C12orf42: variants seen among roughly 807,000 people sequenced by gnomAD.
The protein encoded by C12orf42 is chromosome 12 open reading frame 42.
In C12orf42, 25 loss-of-function variants were observed where a neutral mutation model predicts 21.6. That is an observed-to-expected ratio of 1.16 (90% CI 0.84 to 1.62). The LOEUF is 1.62. Among genes scored for constraint, C12orf42 ranks in the 40% most tolerant of loss-of-function variants. The pLI, the probability that C12orf42 is intolerant of heterozygous loss-of-function variation, is 0.00. For missense variants in C12orf42, 483 were observed against 459.3 expected, an observed-to-expected ratio of 1.05 and a Z score of -0.47; for synonymous variants, 174 against 175.0, an observed-to-expected ratio of 0.99 and a Z score of 0.05.
the C12orf42 span, among the ~76,000 whole-genome samples, chr12:103,056,905 C>T: frequency 6.6e-6 from 1 of 152,186 alleles, no homozygotes; most frequent in Non-Finnish European, 1.5e-5. Flanking sequence ...TTGCTTAAAG[C>T]ACGTTCATAA....
the C12orf42 span, chr12:103,548,053 G>A: frequency 1.3e-5 from 2 of 152,160 alleles, no homozygotes; most frequent in Non-Finnish European, 2.9e-5. Flanking sequence ...AAAATATGAT[G>A]AAAAAAATAA....
At chr12:103,246,260 C>A (rs2034003754) in intron 10 of C12orf42, among the ~76,000 whole-genome samples, 1 of 151,920 alleles carries the variant, frequency 6.6e-6, no homozygotes, top group Non-Finnish European at 1.5e-5. Context: ...CAGAAATATG[C>A]CATGTCATTG....
intron 2 of C12orf42, among the ~76,000 whole-genome samples, chr12:103,409,644 G>A (rs1300676233): frequency 2.6e-5 from 4 of 151,948 alleles, no homozygotes; most frequent in African/African-American, 4.8e-5. Flanking sequence ...CTCAAATCTC[G>A]TATTCTGGAA....
chr12:103,532,770 C>T, the C12orf42 span, among the ~76,000 whole-genome samples: 1 of 152,090 alleles, frequency 6.6e-6, no homozygotes, highest in Admixed American at 6.5e-5. Context: ...TATATGTGAC[C>T]TACTAACTGT....
At chr12:103,281,963 G>GAAAGAAAGAA (rs1346037433) in intron 4 of C12orf42, among the ~76,000 whole-genome samples, 11 of 148,906 alleles carry the variant, frequency 7.4e-5, no homozygotes, top group African/African-American at 1.2e-4. Flanking sequence ...AAGAAAGAAA[G>GAAAGAAAGAA]AGATCGATCC....
intron 4 of C12orf42, among the ~76,000 whole-genome samples, chr12:103,360,067 C>A (rs1333082197): frequency 6.6e-6 from 1 of 150,734 alleles, no homozygotes; most frequent in Admixed American, 6.6e-5. Context: ...GTTTTCCTAC[C>A]TGTAGTCTTG....
chr12:103,405,018 G>A (rs2048319344), intron 2 of C12orf42, among the ~76,000 whole-genome samples: 1 of 152,206 alleles, frequency 6.6e-6, no homozygotes, highest in Admixed American at 6.5e-5. Context: ...TCAGTAGCAG[G>A]TCCTTGTCAC....
intron 1 of C12orf42, among the ~76,000 whole-genome samples, chr12:103,491,821 A>G (rs1337289082): frequency 6.6e-6 from 1 of 152,242 alleles, no homozygotes; most frequent in East Asian, 1.9e-4. Flanking sequence ...ATTTTAGTGG[A>G]CATCAATAAA....
At chr12:103,546,336 C>T in the C12orf42 span, among the ~76,000 whole-genome samples, 1 of 152,158 alleles carries the variant, frequency 6.6e-6, no homozygotes, top group Non-Finnish European at 1.5e-5. Context: ...AGTGTCTGGA[C>T]AAATGGTCCT....
chr12:103,241,654 T>C (rs1225438563), intron 10 of C12orf42, among the ~76,000 whole-genome samples: 2 of 152,154 alleles, frequency 1.3e-5, no homozygotes, highest in African/African-American at 4.8e-5. Context: ...ATGTTACTTA[T>C]AAATGTCCTC....
At chr12:103,193,866 A>G in the C12orf42 span, among the ~76,000 whole-genome samples, 1 of 152,178 alleles carries the variant, frequency 6.6e-6, no homozygotes, top group Non-Finnish European at 1.5e-5. Context: ...AAAGCAGACA[A>G]TGGCACCAAC....
chr12:103,067,574 A>G, the C12orf42 span, among the ~76,000 whole-genome samples: 112 of 152,216 alleles, frequency 7.4e-4, no homozygotes, highest in Non-Finnish European at 1.4e-3. Flanking sequence ...CAGGCCCAGG[A>G]ATGAAGGGGT....
At chr12:103,553,705 T>A in the C12orf42 span, among the ~76,000 whole-genome samples, 3 of 152,172 alleles carry the variant, frequency 2.0e-5, no homozygotes, top group Non-Finnish European at 4.4e-5. Flanking sequence ...ACCTGCTCAC[T>A]GTGTTCAGAA....
In C12orf42 at chr12:103,349,874, T is replaced by C. The variant is rs1400707297; in HGVS notation, c.259+19013A>G. Among the ~76,000 whole-genome samples, 4 of 152,176 alleles carry C rather than the reference T, an allele frequency of 2.6e-5. No individual in the cohort carries two copies. In the East Asian group the frequency reaches 7.7e-4, roughly 29 times the overall value. Reference sequence around the variant, plus strand: ...TTGAAAATGTCCAAATTCTAAATTATATATACAAAAATGAGAAGTTGCATT... The same window carrying C: ...TTGAAAATGTCCAAATTCTAAATTACATATACAAAAATGAGAAGTTGCATT... On this transcript the variant is annotated intron_variant, in intron 4 of 5. Transcript: ENST00000548883.
At chr12:103,486,101 T>C (rs995620244) in intron 1 of C12orf42, among the ~76,000 whole-genome samples, 1 of 152,168 alleles carries the variant, frequency 6.6e-6, no homozygotes, top group African/African-American at 2.4e-5. Flanking sequence ...ATGATATTGA[T>C]TGTGGGTTTG....
the C12orf42 span, among the ~76,000 whole-genome samples, chr12:103,091,008 C>A: frequency 2.6e-5 from 4 of 151,704 alleles, no homozygotes; most frequent in East Asian, 1.9e-4. Flanking sequence ...TACAAAAAAA[C>A]CACTTGCTTC....
At chr12:103,513,409 T>C in the C12orf42 span, among the ~76,000 whole-genome samples, 4 of 152,340 alleles carry the variant, frequency 2.6e-5, no homozygotes, top group East Asian at 3.9e-4. Context: ...AGTCCAGCCA[T>C]GTCTAAAGCC....
At chr12:103,326,304 G>A (rs1375047655) in intron 4 of C12orf42, among the ~76,000 whole-genome samples, 1 of 152,158 alleles carries the variant, frequency 6.6e-6, no homozygotes, top group African/African-American at 2.4e-5. Flanking sequence ...ATAAAAGCCA[G>A]GACTTCTGCA....
the C12orf42 span, among the ~76,000 whole-genome samples, chr12:103,514,615 T>C: frequency 4.6e-5 from 7 of 152,256 alleles, no homozygotes; most frequent in South Asian, 4.2e-4. Context: ...TGGAGGCTTT[T>C]GAACAGAGAA....
Sources: allele counts gnomAD v4.1 joint callset (sites outside exome capture counted in the v4.1 genomes callset), GRCh38; gene constraint gnomAD v4.1.1; transcripts MANE v1.5; gene names NCBI Gene and HGNC (gene_info 2026-07-23, HGNC 2026-07-21).